The following CHTF18 variants were observed in gnomAD, a reference collection of about 807,000 sequenced individuals.
CHTF18 encodes the protein chromosome transmission fidelity factor 18, also known as chromosome transmission fidelity protein 18 homolog.
Under a neutral mutation model 113.4 loss-of-function variants are expected in CHTF18, and 151 were observed. The observed-to-expected ratio is 1.33, with a 90% CI of 1.17 to 1.52. The LOEUF (loss-of-function observed/expected upper bound fraction) is 1.52. Ranked by LOEUF, CHTF18 falls within the 40% of genes most tolerant of loss-of-function variation. The probability of loss-of-function intolerance (pLI) is 0.00; values close to 1 mark genes in which losing one functional copy is unlikely to be tolerated. For synonymous variants in CHTF18, 916 were observed against 598.8 expected, an observed-to-expected ratio of 1.53 and a Z score of -7.74; for missense variants, 1,982 against 1,381.6, an observed-to-expected ratio of 1.43 and a Z score of -6.89.
intron 14 of CHTF18, chr16:793,845 T>A (rs1319987299): frequency 3.1e-6 from 2 of 639,768 alleles, no homozygotes; most frequent in South Asian, 3.7e-5. Context: ...CCTCTCAGAG[T>A]GGGGCTCCTC....
chr16:796,464 G>A (rs1596772245), intron 18 of CHTF18, among the ~76,000 whole-genome samples: 2 of 152,226 alleles, frequency 1.3e-5, no homozygotes, highest in South Asian at 2.1e-4. Context: ...CTTGCAGGAC[G>A]CTGAGTCACT....
chr16:789,704 C>G lies in CHTF18; in HGVS notation c.595C>G (p.Pro199Ala), dbSNP rs753372024. The change falls in exon 4 of 22, where the codon CCG (proline) becomes GCG (alanine). Residue 199 changes from proline (P) to alanine (A), a missense_variant. By Grantham distance (27) the Pro-to-Ala change is conservative (BLOSUM62 -1). Transcript: ENST00000262315. ...YLVLRADPMA[P>A]GVQGSLLHVP... Reference sequence around the variant, plus strand: ...GGTGCTGCGTGCTGACCCCATGGCCCCGGGGGTGCAGGTGCGTGGCTGTGG... The same window carrying G: ...GGTGCTGCGTGCTGACCCCATGGCCGCGGGGGTGCAGGTGCGTGGCTGTGG... The G allele has an allele frequency of 1.3e-6, 2 of 1,590,734 alleles. No individual in the cohort carries two copies. Among genetic ancestry groups the G allele is most frequent in the South Asian group, 1.1e-5 (1 of 90,146 alleles).
rs748178032 is a variant in CHTF18, at chr16:788,710, G to T, written c.26G>T (p.Cys9Phe). The change falls in exon 1 of 22, where the codon TGC (cysteine) becomes TTC (phenylalanine). Residue 9 changes from cysteine (C) to phenylalanine (F), a missense_variant. Coordinates refer to ENST00000262315, the MANE Select transcript of CHTF18 (RefSeq NM_022092.3). ...ATGGAGGACTACGAGCAGGAGCTGT[G>T]CGGCGTCGAGGATGATTTCCACAAC... MEDYEQEL[C>F]GVEDDFHNQF... The T allele has an allele frequency of 6.2e-7, 1 of 1,601,260 alleles. No individual in the cohort carries two copies. Among genetic ancestry groups the T allele is most frequent in the South Asian group, 1.1e-5 (1 of 89,530 alleles).
chr16:789,741 G>C (rs182844331), intron 4 of CHTF18, 26 bp downstream of exon 4: 5 of 1,557,386 alleles, frequency 3.2e-6, no homozygotes, highest in East Asian at 2.3e-5. Context: ...CTTCCTGCAC[G>C]GTGGGTGGGC....
intron 11 of CHTF18, 30 bp from the exon 12 acceptor site, chr16:792,688 G>A (rs775167031): frequency 1.8e-5 from 29 of 1,578,206 alleles, no homozygotes; most frequent in Non-Finnish European, 2.1e-5. Context: ...TGCCAACCCT[G>A]GGGTCCCTGG....
At position 788,852 on chromosome 16, in the gene CHTF18, G is replaced by A. The variant is rs1347930172; in HGVS notation, c.91+77G>A. On this transcript the variant is annotated intron_variant, in intron 1 of 21. Coordinates refer to ENST00000262315, the MANE Select transcript of CHTF18 (RefSeq NM_022092.3). The stretch of plus-strand genomic sequence containing the variant: ...GGCGACCTCGGGGAGGGCGTGCCGG[G>A]GGCCGAAGGGGCCTCCACGTCGCCG... The A allele has an allele frequency of 1.1e-5, 17 of 1,512,130 alleles. No individual in the cohort carries two copies. In the East Asian group the frequency reaches 3.2e-4, roughly 28 times the overall value. 93.7% of individuals were successfully genotyped at this position (1,512,130 alleles called of 1,614,324 possible).
At position 795,310 on chromosome 16, in the gene CHTF18, C is replaced by T. The variant is rs1399894724; in HGVS notation, c.2129C>T (p.Ala710Val). ...CCCGTGGCCTTCCATGTGCTGTTTG[C>T]TTCCAGCCACACACCCAGGATCACC... ...FLPVAFHVLF[A>V]SSHTPRITFP... Residue 710 changes from alanine (A) to valine (V), a missense_variant, in exon 16 of 22, where the codon GCT (alanine) becomes GTT (valine). Coordinates refer to ENST00000262315, the MANE Select transcript of CHTF18 (RefSeq NM_022092.3). 4 of 1,548,436 alleles carry T rather than the reference C, an allele frequency of 2.6e-6. No homozygotes were observed. Among genetic ancestry groups the T allele is most frequent in the Non-Finnish European group, 3.5e-6 (4 of 1,146,672 alleles).
In CHTF18 at chr16:790,175, A is replaced by G. The variant is rs1432578356; in HGVS notation, c.607-2A>G. On this transcript the variant is annotated splice_acceptor_variant, in intron 4 of 21. Transcript: ENST00000262315. LOFTEE classifies it high-confidence loss of function. ...GAGGCAATTGTCCTCCCTTCCCCAC[A>G]GGGCTCTCTCCTCCACGTCCCATGG... 2.5e-6 allele frequency: 4 copies of G among 1,592,664 alleles called. No homozygotes were observed. The highest frequency in any genetic ancestry group is 1.3e-5 in the African/African-American group (1 of 74,412).
rs1223530040 is a variant in CHTF18 at position 792,699 on chromosome 16, C to T, written c.1479-19C>T. The T allele has an allele frequency of 6.4e-7, 1 of 1,572,994 alleles. No individual in the cohort carries two copies. The highest frequency in any genetic ancestry group is 8.6e-7 in the Non-Finnish European group (1 of 1,164,280). ...GTGGTGCCAACCCTGGGGTCCCTGG[C>T]CCTGCCGCCTCTCCTCAGGTTCGCA... On this transcript the variant is annotated intron_variant, in intron 11 of 21. Transcript: ENST00000262315.
chr16:792,650 C>T (rs554720407), intron 11 of CHTF18, 60 bp downstream of exon 11: 37 of 1,590,300 alleles, frequency 2.3e-5, no homozygotes, highest in East Asian at 1.1e-4. Context: ...GGGAGGGTTC[C>T]GGCCCGTCCC....
At position 795,818 on chromosome 16, in the gene CHTF18, C is replaced by T. The variant is rs369600585; in HGVS notation, c.2309C>T (p.Ala770Val). The change falls in exon 17 of 22, where the codon GCA becomes GTA. Residue 770 changes from alanine (A) to valine (V), a missense_variant. Coordinates refer to ENST00000262315, the MANE Select transcript of CHTF18 (RefSeq NM_022092.3). ...CTCTGCCTGCTCCTGGACATTCTTG[C>T]ACCCAAGCTCCGCCCCGTGAGTGCC... ...DALCLLLDILAPKLRPVSTQL... is the reference protein window; with the variant it reads ...DALCLLLDILVPKLRPVSTQL... 6.8e-6 allele frequency: 11 copies of T among 1,609,742 alleles called. No homozygotes were observed. The highest frequency in any genetic ancestry group is 1.7e-4 in the Middle Eastern group (1 of 6,050).
chr16:790,701 T>A, intron 7 of CHTF18, 35 bp downstream of exon 7: 1 of 1,497,722 alleles, frequency 6.7e-7, no homozygotes, highest in Non-Finnish European at 8.8e-7. Flanking sequence ...GTGGCTGGCT[T>A]CCTCTGTTCC....
intron 3 of CHTF18, 66 bp downstream of exon 3, chr16:789,426 G>A (rs920026738): frequency 2.0e-6 from 3 of 1,533,748 alleles, no homozygotes; most frequent in Admixed American, 2.0e-5. Flanking sequence ...AGCCCATCCC[G>A]TGCCCTGGAT....
chr16:790,715 G>C (rs756959145), intron 7 of CHTF18, 49 bp downstream of exon 7: 1 of 1,483,522 alleles, frequency 6.7e-7, no homozygotes, highest in Non-Finnish European at 8.9e-7. Flanking sequence ...CTGTTCCCAA[G>C]ATGGAAGAAC....
At chr16:796,218 A>T (rs751470385) in intron 18 of CHTF18, 141 bp downstream of exon 18, 1 of 1,147,038 alleles carries the variant, frequency 8.7e-7, no homozygotes, top group Admixed American at 2.5e-5. Context: ...TCTTTTGCTC[A>T]GATGTAACCG....
rs1353014644 is a variant in CHTF18, at chr16:794,036, TCAG to T, written c.1803-15_1803-13del. 2.5e-6 allele frequency: 4 copies of T among 1,604,822 alleles called. No individual in the cohort carries two copies. In the African/African-American group the frequency reaches 5.4e-5, roughly 21 times the overall value. On this transcript the variant is annotated splice_polypyrimidine_tract_variant and intron_variant, in intron 14 of 21. Coordinates refer to ENST00000262315, the MANE Select transcript of CHTF18 (RefSeq NM_022092.3). ...GCTTTTAACACGGGTCCATCTAGCT[TCAG>T]CACCCCACCTGCAGGCGCCGTGTGG...
chr16:790,071 A>G (rs888929542), intron 4 of CHTF18, 106 bp from the exon 5 acceptor site: 1 of 1,537,268 alleles, frequency 6.5e-7, no homozygotes, highest in African/African-American at 1.4e-5. Context: ...CTCACTGGCC[A>G]GCTTACTGGG....
Position 789,566 on chromosome 16 carries a change from G to T in CHTF18, c.457G>T (p.Asp153Tyr), listed in dbSNP as rs770604472. Residue 153 changes from aspartate to tyrosine, a missense_variant, in exon 4 of 22, where the codon GAC becomes TAC. Coordinates refer to ENST00000262315, the MANE Select transcript of CHTF18 (RefSeq NM_022092.3). ...CTCCAGAGTCTCAGAAGCTGCTGCC[G>T]ACGTGGGTCTCACACGGGCCTCACC... ...WGHGVSEAAA[D>Y]VGLTRASPAA... 6.2e-7 allele frequency: 1 copy of T among 1,603,984 alleles called. No individual in the cohort carries two copies.
chr16:789,628 C>T lies in CHTF18; in HGVS notation c.519C>T (p.Ile173=), dbSNP rs747989011. The change falls in exon 4 of 22, where the codon ATC becomes ATT. Residue 173 remains isoleucine (I), a synonymous_variant. Transcript: ENST00000262315. ...ATCCCGTCCTGAGGCGGCCCCCCAT[C>T]TTGGAGGACTACGTCCACGTGACAT... is the stretch of plus-strand genomic sequence containing the variant. The part of the protein sequence containing the change: ...ARNPVLRRPP[I]LEDYVHVTST... The T allele has an allele frequency of 9.9e-6, 16 of 1,608,162 alleles. No individual in the cohort carries two copies. The highest frequency in any genetic ancestry group is 4.0e-5 in the African/African-American group (3 of 74,942).
Sources: gnomAD v4.1 joint callset for allele counts (sites outside exome capture counted in the v4.1 genomes callset) on GRCh38, gnomAD v4.1.1 for gene constraint, MANE v1.5 for transcripts, NCBI Gene and HGNC (gene_info 2026-07-23, HGNC 2026-07-21) for gene names.